TBC1D5: variants seen among roughly 807,000 people sequenced by gnomAD.
TBC1D5 encodes TBC1 domain family, member 5.
TBC1D5 carries 75 observed loss-of-function variants against 100.3 expected under a neutral mutation model. The ratio of observed to expected loss-of-function variants is 0.75; its 90% CI spans 0.62 to 0.91. The LOEUF is 0.91. TBC1D5 is among the 40% of genes least tolerant of loss of function. TBC1D5 has a pLI of 0.00. For missense variants in TBC1D5, 910 were observed against 942.4 expected (o/e 0.97, Z 0.45); for synonymous variants, 323 against 325.6 (o/e 0.99, Z 0.09).
At chr3:17,213,013 G>T (rs1262179817) in intron 18 of TBC1D5, among the ~76,000 whole-genome samples, 1 of 152,056 alleles carries the variant, frequency 6.6e-6, no homozygotes, top group Admixed American at 6.6e-5. Context: ...TTCACTCACT[G>T]CTCACTCACT....
intron 19 of TBC1D5, among the ~76,000 whole-genome samples, chr3:17,173,296 G>A (rs1387326516): frequency 1.3e-5 from 2 of 152,228 alleles, no homozygotes; most frequent in Non-Finnish European, 2.9e-5. Context: ...AGGCACCAGA[G>A]ATATGCAGAG....
intron 13 of TBC1D5, among the ~76,000 whole-genome samples, chr3:17,329,607 C>T (rs890270073): frequency 1.3e-5 from 2 of 152,050 alleles, no homozygotes; most frequent in East Asian, 1.9e-4. Flanking sequence ...AAGTGAGTTA[C>T]GAAGTATATT....
At chr3:17,645,497 C>T (rs2064937502) in intron 1 of TBC1D5, among the ~76,000 whole-genome samples, 2 of 152,112 alleles carry the variant, frequency 1.3e-5, no homozygotes, top group Non-Finnish European at 2.9e-5. Flanking sequence ...AATCCACTAT[C>T]CAGACATTAC....
At chr3:17,555,772 A>G (rs977993048) in intron 2 of TBC1D5, among the ~76,000 whole-genome samples, 4 of 152,174 alleles carry the variant, frequency 2.6e-5, no homozygotes, top group Non-Finnish European at 5.9e-5. Context: ...TTAGTGCTAC[A>G]AAGAGTCTGT....
At chr3:17,674,741 T>C (rs1417402047) in intron 1 of TBC1D5, among the ~76,000 whole-genome samples, 1 of 152,068 alleles carries the variant, frequency 6.6e-6, no homozygotes, top group Non-Finnish European at 1.5e-5. Flanking sequence ...CAAGATTCAA[T>C]ATAACATAGA....
At chr3:17,572,042 T>C (rs544234011) in intron 2 of TBC1D5, among the ~76,000 whole-genome samples, 3 of 152,136 alleles carry the variant, frequency 2.0e-5, no homozygotes, top group East Asian at 1.9e-4. Flanking sequence ...ATTGTCTCGG[T>C]TGGGACTTTT....
intron 13 of TBC1D5, among the ~76,000 whole-genome samples, chr3:17,339,098 A>C (rs1344443809): frequency 6.6e-6 from 1 of 152,218 alleles, no homozygotes; most frequent in Non-Finnish European, 1.5e-5. Context: ...ACAGTACTGA[A>C]AGTGCAATTG....
rs539230558 is a variant in TBC1D5 at position 17,242,040 on chromosome 3, C to T, written c.1332-3621G>A. ...AGACAGGTGAAGAAATTCCAGGCTACGCTGTGAATGAAAATAGGTGATTTT... is the reference window on the plus strand; with the variant it reads ...AGACAGGTGAAGAAATTCCAGGCTATGCTGTGAATGAAAATAGGTGATTTT... On this transcript the variant is annotated intron_variant, in intron 16 of 21. Transcript: ENST00000253692. Among the ~76,000 whole-genome samples the T allele has an allele frequency of 1.1e-4, 16 of 152,246 alleles. No individual in the cohort carries two copies. The East Asian group carries it at 1.2e-3, about 11-fold the overall frequency.
At chr3:17,245,324 T>A (rs1462458475) in intron 16 of TBC1D5, among the ~76,000 whole-genome samples, 1 of 152,232 alleles carries the variant, frequency 6.6e-6, no homozygotes, top group East Asian at 1.9e-4. Flanking sequence ...TTTAATTTGC[T>A]TGCCATACTG....
At chr3:17,218,996 C>A (rs1410731872) in intron 17 of TBC1D5, among the ~76,000 whole-genome samples, 1 of 151,482 alleles carries the variant, frequency 6.6e-6, no homozygotes, top group African/African-American at 2.4e-5. Flanking sequence ...ATTCCATCTG[C>A]CCCTCTCTTT....
intron 1 of TBC1D5, among the ~76,000 whole-genome samples, chr3:17,712,080 C>T (rs914174327): frequency 2.0e-5 from 3 of 152,152 alleles, no homozygotes; most frequent in African/African-American, 7.2e-5. Context: ...CTGAATGTCA[C>T]TGCCCAGCAT....
intron 19 of TBC1D5, among the ~76,000 whole-genome samples, chr3:17,179,265 G>A (rs187032417): frequency 9.5e-4 from 145 of 152,332 alleles, no homozygotes; most frequent in African/African-American, 3.3e-3. Flanking sequence ...AGAGAAAGCT[G>A]TCTGGTGATC....
intron 7 of TBC1D5, among the ~76,000 whole-genome samples, chr3:17,403,559 T>A (rs2093696103): frequency 6.6e-6 from 1 of 151,734 alleles, no homozygotes; most frequent in Non-Finnish European, 1.5e-5. Flanking sequence ...AAAATAGCAA[T>A]ACAACAATAA....
At chr3:17,380,656 T>G (rs554117123) in intron 9 of TBC1D5, among the ~76,000 whole-genome samples, 1 of 152,076 alleles carries the variant, frequency 6.6e-6, no homozygotes, top group Non-Finnish European at 1.5e-5. Flanking sequence ...TCCAAACTCA[T>G]GCCAGTTGAA....
intron 13 of TBC1D5, among the ~76,000 whole-genome samples, chr3:17,312,819 A>C (rs911887445): frequency 1.3e-5 from 2 of 152,186 alleles, no homozygotes; most frequent in Non-Finnish European, 2.9e-5. Context: ...GTCTGAATGG[A>C]AAGTAGATCC....
chr3:17,698,156 CA>C (rs2072461884), intron 1 of TBC1D5, among the ~76,000 whole-genome samples: 2 of 152,206 alleles, frequency 1.3e-5, no homozygotes, highest in African/African-American at 4.8e-5. Context: ...TACAAGGCTA[CA>C]GTAACCAAAG....
intron 2 of TBC1D5, among the ~76,000 whole-genome samples, chr3:17,597,619 T>TA (rs1039687526): frequency 6.6e-6 from 1 of 152,200 alleles, no homozygotes; most frequent in Non-Finnish European, 1.5e-5. Context: ...AGTAATGACA[T>TA]AAGTCTGTCC....
At chr3:17,244,359 T>C (rs1201468368) in intron 16 of TBC1D5, among the ~76,000 whole-genome samples, 1 of 152,174 alleles carries the variant, frequency 6.6e-6, no homozygotes, top group African/African-American at 2.4e-5. Context: ...ATAAGAGGCT[T>C]GTATACTAGT....
intron 19 of TBC1D5, among the ~76,000 whole-genome samples, chr3:17,182,638 C>CA (rs537824106): frequency 6.4e-4 from 98 of 152,240 alleles, no homozygotes; most frequent in African/African-American, 2.3e-3. Context: ...TCAAGTAATG[C>CA]AAAGGTCATC....
Sources: gnomAD v4.1 joint callset for allele counts (sites outside exome capture counted in the v4.1 genomes callset) on GRCh38, gnomAD v4.1.1 for gene constraint, MANE v1.5 for transcripts, NCBI Gene and HGNC (gene_info 2026-07-23, HGNC 2026-07-21) for gene names.